UBE2V2: variants seen among roughly 807,000 people sequenced by gnomAD.
UBE2V2 encodes ubiquitin conjugating enzyme E2 V2, also known as ubiquitin-conjugating enzyme E2 variant 2.
UBE2V2 carries 9 observed loss-of-function variants against 17.2 expected under a neutral mutation model. The ratio of observed to expected loss-of-function variants is 0.52; its 90% CI spans 0.32 to 0.91. The LOEUF (loss-of-function observed/expected upper bound fraction) is 0.91, where lower values mean the gene tolerates loss of function less well. UBE2V2 is among the 40% of genes least tolerant of loss of function. UBE2V2 has a pLI of 0.04. For synonymous variants in UBE2V2, 61 were observed against 57.5 expected (o/e 1.06, Z -0.28); for missense variants, 133 against 182.6 (o/e 0.73, Z 1.56).
chr8:48,003,013 C>T, the UBE2V2 span, among the ~76,000 whole-genome samples: 1 of 152,024 alleles, frequency 6.6e-6, no homozygotes, highest in South Asian at 2.1e-4. Flanking sequence ...AGATTGAGAC[C>T]ATCCTGGCCA....
chr8:48,062,660 G>C lies in UBE2V2; in HGVS notation c.*1832G>C, dbSNP rs1289042344. Reference sequence around the variant, plus strand: ...TATTAAAATAGTTACTTTTATAGTAGAGCACATTTCTCAAACATGCCCTGA... The same window carrying C: ...TATTAAAATAGTTACTTTTATAGTACAGCACATTTCTCAAACATGCCCTGA... On this transcript the variant is annotated 3_prime_UTR_variant, in exon 4 of 4. Transcript: ENST00000523111. The C allele has an allele frequency of 1.3e-5, 2 of 151,258 alleles. No individual in the cohort carries two copies. Among genetic ancestry groups the C allele is most frequent in the Non-Finnish European group, 2.9e-5 (2 of 67,914 alleles). The allele number at this position is 151,258 out of a possible 1,614,324, so 9.4% of individuals were successfully genotyped here. A position where few individuals can be genotyped will look rare whatever the true frequency, so the allele number is the denominator to read the frequency against.
At chr8:48,044,967 G>C (rs931845338) in intron 2 of UBE2V2, among the ~76,000 whole-genome samples, 4 of 152,144 alleles carry the variant, frequency 2.6e-5, no homozygotes, top group African/African-American at 9.7e-5. Flanking sequence ...GTTCCTGCTT[G>C]GTCTTTCACC....
At chr8:48,030,269 C>T (rs1289361945) in intron 1 of UBE2V2, among the ~76,000 whole-genome samples, 1 of 152,190 alleles carries the variant, frequency 6.6e-6, no homozygotes, top group Non-Finnish European at 1.5e-5. Flanking sequence ...GCAACATCTG[C>T]TGTCAGTTTA....
At chr8:48,046,580 A>T (rs908403664) in intron 2 of UBE2V2, among the ~76,000 whole-genome samples, 2 of 151,990 alleles carry the variant, frequency 1.3e-5, no homozygotes, top group African/African-American at 4.8e-5. Flanking sequence ...TTAACATGTT[A>T]CATGGTTCGT....
chr8:48,001,134 C>A, the UBE2V2 span, among the ~76,000 whole-genome samples: 2 of 152,190 alleles, frequency 1.3e-5, no homozygotes, highest in Non-Finnish European at 1.5e-5. Context: ...CCAACTTAAT[C>A]ATTCAAGGAC....
intron 1 of UBE2V2, among the ~76,000 whole-genome samples, chr8:48,025,313 G>A (rs1034141422): frequency 1.3e-5 from 2 of 151,162 alleles, no homozygotes; most frequent in African/African-American, 2.4e-5. Context: ...TGTCATCCAG[G>A]CTGGAGTGTA....
At chr8:48,006,252 A>G (rs544410948), upstream of UBE2V2, among the ~76,000 whole-genome samples, 3 of 152,288 alleles carry the variant, frequency 2.0e-5, no homozygotes, top group South Asian at 6.2e-4. Flanking sequence ...TTTTCCCAAC[A>G]CCATTTATTA....
rs1039274320 is a variant in UBE2V2 at position 48,062,509 on chromosome 8, T to C, written c.*1681T>C. 2.0e-5 allele frequency: 3 copies of C among 150,960 alleles called. No homozygotes were observed. The Admixed American group carries it at 2.0e-4, about 10-fold the overall frequency. 9.4% of individuals were successfully genotyped at this position (150,960 alleles called of 1,614,324 possible). ...TCGGGAGGCTGGGCAGGAGAACTAC[T>C]TGAAACTGGCAGACAGAGGTTGCAG... On this transcript the variant is annotated 3_prime_UTR_variant, in exon 4 of 4. Coordinates refer to ENST00000523111, the MANE Select transcript of UBE2V2 (RefSeq NM_003350.3).
At chr8:48,008,013 C>A (rs1006682491), upstream of UBE2V2, among the ~76,000 whole-genome samples, 1 of 152,084 alleles carries the variant, frequency 6.6e-6, no homozygotes, top group Non-Finnish European at 1.5e-5. Context: ...CCTCCGCCTC[C>A]CCGGTTCAAA....
intron 1 of UBE2V2, among the ~76,000 whole-genome samples, chr8:48,019,166 A>G (rs528231934): frequency 6.6e-6 from 1 of 152,246 alleles, no homozygotes; most frequent in East Asian, 1.9e-4. Context: ...GGAGTTCAAG[A>G]CCAGCCTGGC....
intron 2 of UBE2V2, among the ~76,000 whole-genome samples, chr8:48,048,484 T>A (rs2091514674): frequency 6.6e-6 from 1 of 152,166 alleles, no homozygotes; most frequent in East Asian, 1.9e-4. Context: ...TGCTGTATCA[T>A]AGGGGAGTCT....
intron 1 of UBE2V2, among the ~76,000 whole-genome samples, chr8:48,040,726 A>C (rs2091455826): frequency 6.6e-6 from 1 of 151,642 alleles, no homozygotes. Flanking sequence ...TCCTGGGTTC[A>C]AGCGATTCTG....
chr8:48,048,881 T>C (rs2091517591), intron 2 of UBE2V2, among the ~76,000 whole-genome samples: 1 of 151,884 alleles, frequency 6.6e-6, no homozygotes, highest in African/African-American at 2.4e-5. Context: ...TATTTTTATG[T>C]TATTTTAATT....
chr8:48,057,918 A>G (rs1247150196), intron 3 of UBE2V2, among the ~76,000 whole-genome samples: 2 of 152,098 alleles, frequency 1.3e-5, no homozygotes, highest in Non-Finnish European at 2.9e-5. Flanking sequence ...CATTTCTTGT[A>G]TTTCTTCTGC....
intron 1 of UBE2V2, among the ~76,000 whole-genome samples, chr8:48,010,125 A>G (rs777861175): frequency 1.3e-5 from 2 of 152,184 alleles, no homozygotes; most frequent in African/African-American, 2.4e-5. Flanking sequence ...CAAAGGTTAG[A>G]TGATATTAAT....
chr8:48,053,964 C>A (rs939087502), intron 3 of UBE2V2, among the ~76,000 whole-genome samples: 1 of 151,716 alleles, frequency 6.6e-6, no homozygotes, highest in Admixed American at 6.6e-5. Context: ...GCCACCATGC[C>A]TGGCTAATTT....
rs547209139 is a variant in UBE2V2, at chr8:48,050,297, C to T, written c.291+319C>T. Reference sequence around the variant, plus strand: ...TCACCCAGGCTGGAGTACAATTGTGCGATCTTGGCTCACTGCAACCTCTGC... The same window carrying T: ...TCACCCAGGCTGGAGTACAATTGTGTGATCTTGGCTCACTGCAACCTCTGC... On this transcript the variant is annotated intron_variant, in intron 3 of 3. Transcript: ENST00000523111. 2.6e-5 allele frequency: 4 copies of T among 155,394 alleles called. 1 individual carries two copies. In the South Asian group the frequency reaches 6.1e-4, roughly 24 times the overall value. 9.6% of individuals were successfully genotyped at this position (155,394 alleles called of 1,614,324 possible).
At chr8:48,050,054 T>C (rs1203805732) in intron 3 of UBE2V2, 76 bp downstream of exon 3, 3 of 1,039,114 alleles carry the variant, frequency 2.9e-6, no homozygotes, top group Non-Finnish European at 3.9e-6. Context: ...CACACCATAA[T>C]ATATGTAAGA....
chr8:48,004,636 A>G (rs1186884035), upstream of UBE2V2, among the ~76,000 whole-genome samples: 1 of 151,382 alleles, frequency 6.6e-6, no homozygotes. Flanking sequence ...GGTTCAAGCA[A>G]TTCTCTGCCT....
Sources: allele counts gnomAD v4.1 joint callset (sites outside exome capture counted in the v4.1 genomes callset), GRCh38; gene constraint gnomAD v4.1.1; transcripts MANE v1.5; gene names NCBI Gene and HGNC (gene_info 2026-07-23, HGNC 2026-07-21).